The following MGAM variants were observed in gnomAD, a reference collection of about 807,000 sequenced individuals.
MGAM encodes the protein maltase-glucoamylase.
Under a neutral mutation model 358.8 loss-of-function variants are expected in MGAM, and 253 were observed. That is an observed-to-expected ratio of 0.71 (90% CI 0.64 to 0.78). The LOEUF is 0.78. Ranked by LOEUF, MGAM falls within the 30% of genes least tolerant of loss-of-function variation. MGAM has a pLI of 0.00. For missense variants in MGAM, 3,080 were observed against 3,432.6 expected (o/e 0.90, Z 2.57); for synonymous variants, 1,105 against 1,227.1 (o/e 0.90, Z 2.08).
rs138546834 is a variant in MGAM, at chr7:142,082,439, T to C, written c.6172-36T>C. ...AGTTTCTTTCTCAGGCATAATGTCT[T>C]TTAAACTCCTACTGCTTCTCCCCAT... is the stretch of plus-strand genomic sequence containing the variant. On this transcript the variant is annotated intron_variant, in intron 51 of 70. Coordinates refer to ENST00000475668, the MANE Select transcript of MGAM (RefSeq NM_001365693.1). 8.2e-3 allele frequency: 11,695 copies of C among 1,430,546 alleles called. 1,601 individuals carry two copies. In the South Asian group the frequency reaches 0.085, roughly 10 times the overall value. 88.6% of individuals were successfully genotyped at this position (1,430,546 alleles called of 1,614,324 possible). A position where few individuals can be genotyped will look rare whatever the true frequency, so the allele number is the denominator to read the frequency against.
At position 142,075,926 on chromosome 7, in the gene MGAM, A is replaced by T. The variant is rs536620127; in HGVS notation, c.5276-277A>T. ...CTTCCATACAATCCCATGAATTCCC[A>T]CTTCTGGGTGTATATCCAGAGGACA... is the stretch of plus-strand genomic sequence containing the variant. On this transcript the variant is annotated intron_variant, in intron 45 of 70. Transcript: ENST00000475668. Among the ~76,000 whole-genome samples, 2 of 146,132 alleles carry T rather than the reference A, an allele frequency of 1.4e-5. 1 individual carries two copies. The highest frequency in any genetic ancestry group is 4.4e-4 in the South Asian group (2 of 4,560).
chr7:142,086,511 G>A lies in MGAM; in HGVS notation c.6748-144G>A, dbSNP rs148076417. 32 of 575,264 alleles carry A rather than the reference G, an allele frequency of 5.6e-5. 9 individuals are homozygous for A. Among genetic ancestry groups the A allele is most frequent in the Admixed American group, 1.2e-4 (4 of 34,416 alleles). 35.6% of individuals were successfully genotyped at this position (575,264 alleles called of 1,614,324 possible). A position where few individuals can be genotyped will look rare whatever the true frequency, so the allele number is the denominator to read the frequency against. ...ACTTTTAAGTAATATAATGTGTTAC[G>A]GAATTCACTTCTCTTTTACATCAAT... On this transcript the variant is annotated intron_variant, in intron 56 of 70. Transcript: ENST00000475668.
intron 20 of MGAM, 66 bp downstream of exon 20, chr7:142,040,237 T>A: frequency 7.9e-7 from 1 of 1,269,638 alleles, no homozygotes; most frequent in Non-Finnish European, 1.1e-6. Context: ...ACAAGCTACC[T>A]TTCTGGAGAG....
chr7:142,063,650 C>T (rs766619707), intron 36 of MGAM, 64 bp downstream of exon 36: 321 of 1,557,742 alleles, frequency 2.1e-4, no homozygotes, highest in South Asian at 4.2e-4. Flanking sequence ...TGGAGGAGCC[C>T]GAGGCCAGGG....
At chr7:142,046,671 A>G (rs1810444859) in intron 21 of MGAM, among the ~76,000 whole-genome samples, 1 of 152,012 alleles carries the variant, frequency 6.6e-6, no homozygotes, top group Non-Finnish European at 1.5e-5. Flanking sequence ...TCTTGGATAT[A>G]TTTCTTACTT....
chr7:142,092,723 G>C, intron 59 of MGAM, 115 bp downstream of exon 59: 1 of 995,916 alleles, frequency 1.0e-6, no homozygotes, highest in Non-Finnish European at 1.5e-6. Flanking sequence ...CATGGCTGCT[G>C]TGGTTTACTG....
chr7:142,057,436 GGTGGTGGTGGTA>G (rs1164171916), intron 30 of MGAM, among the ~76,000 whole-genome samples: 3 of 145,084 alleles, frequency 2.1e-5, no homozygotes, highest in African/African-American at 8.4e-5. Flanking sequence ...TGTTGGTTAT[GGTGGTGGTGGTA>G]GTGGTGGTGA....
At chr7:142,065,077 CAT>C (rs1812589913) in intron 37 of MGAM, among the ~76,000 whole-genome samples, 1 of 152,160 alleles carries the variant, frequency 6.6e-6, no homozygotes, top group African/African-American at 2.4e-5. Flanking sequence ...ATTAGCAAGA[CAT>C]AGTAATTCCT....
chr7:142,050,743 A>G lies in MGAM; in HGVS notation c.2684A>G (p.Asn895Ser), dbSNP rs200893409. The part of the protein sequence containing the change: ...NISQSTYKDP[N>S]NLAFNEIKIL... ...TCACAATCAACCTACAAGGACCCCA[A>G]TAATTTAGCATTTAATGAGATTAAA... is the stretch of plus-strand genomic sequence containing the variant. The change falls in exon 24 of 71, where the codon AAT (asparagine) becomes AGT (serine). Residue 895 changes from asparagine (N) to serine (S), a missense_variant. By Grantham distance (46) the Asn-to-Ser change is conservative (BLOSUM62 1). Around this residue, in one of 5 missense-constraint regions of MGAM, gnomAD observed 1,816 missense variants for 1,840.5 expected, o/e 0.99. Coordinates refer to ENST00000475668, the MANE Select transcript of MGAM (RefSeq NM_001365693.1). 408 of 1,613,868 alleles carry G rather than the reference A, an allele frequency of 2.5e-4. 3 individuals are homozygous for G. The highest frequency in any genetic ancestry group is 1.8e-3 in the South Asian group (166 of 91,064).
intron 31 of MGAM, among the ~76,000 whole-genome samples, chr7:142,058,600 C>T (rs988023562): frequency 1.3e-5 from 2 of 152,236 alleles, no homozygotes; most frequent in Non-Finnish European, 2.9e-5. Context: ...CCTTCCATTT[C>T]TTTCACTTGG....
At chr7:142,041,795 C>T (rs1808590664) in intron 21 of MGAM, among the ~76,000 whole-genome samples, 1 of 143,222 alleles carries the variant, frequency 7.0e-6, no homozygotes, top group Admixed American at 7.7e-5. Context: ...TACATTTCAG[C>T]AGCAAGAAAT....
At chr7:142,040,454 G>T in intron 20 of MGAM, 2 of 581,854 alleles carry the variant, frequency 3.4e-6, no homozygotes, top group Non-Finnish European at 6.0e-6. Flanking sequence ...ATGTGAGCTT[G>T]GTCAGGAATC....
chr7:142,076,954 G>A lies in MGAM; in HGVS notation c.5493+128G>A, dbSNP rs1813801561. On this transcript the variant is annotated intron_variant, in intron 47 of 70. Coordinates refer to ENST00000475668, the MANE Select transcript of MGAM (RefSeq NM_001365693.1). ...TTTGATGCATGTTTTGGGGAATTGA[G>A]AGGGCACCTTTGATGCCTTTTTTGG... 2.7e-6 allele frequency: 3 copies of A among 1,095,824 alleles called. 1 individual carries two copies. In the African/African-American group the frequency reaches 4.5e-5, roughly 17 times the overall value. 67.9% of individuals were successfully genotyped at this position (1,095,824 alleles called of 1,614,324 possible). A position where few individuals can be genotyped will look rare whatever the true frequency, so the allele number is the denominator to read the frequency against.
upstream of MGAM, among the ~76,000 whole-genome samples, chr7:141,991,153 A>G (rs1336229968): frequency 1.3e-5 from 2 of 152,240 alleles, no homozygotes; most frequent in African/African-American, 4.8e-5. Context: ...TACCGACTGC[A>G]TAGCGTAGTT....
rs1474198375 is a variant in MGAM, at chr7:142,044,362, A to C, written c.2499-3423A>C. Among the ~76,000 whole-genome samples the C allele has an allele frequency of 7.4e-5, 10 of 134,850 alleles. 1 individual carries two copies. Among genetic ancestry groups the C allele is most frequent in the African/African-American group, 2.6e-4 (10 of 38,776 alleles). 88.5% of individuals were successfully genotyped at this position (134,850 alleles called of 152,430 possible). On this transcript the variant is annotated intron_variant, in intron 21 of 70. Transcript: ENST00000475668. ...TATATATATAATATACACATACGAT[A>C]TATGATATATAATGAATATTATATA... is the stretch of plus-strand genomic sequence containing the variant.
chr7:142,071,268 C>A, intron 44 of MGAM, 150 bp downstream of exon 44: 1 of 1,043,396 alleles, frequency 9.6e-7, no homozygotes, highest in East Asian at 2.7e-5. Context: ...GTGTGTTAAT[C>A]TTTTTCAGAC....
At chr7:142,061,880 A>C (rs1362117235) in intron 34 of MGAM, among the ~76,000 whole-genome samples, 1 of 152,218 alleles carries the variant, frequency 6.6e-6, no homozygotes, top group East Asian at 1.9e-4. Flanking sequence ...AGAAGGATAT[A>C]AAACAAACTT....
At chr7:142,066,430 TAAGAATATTC>T (rs1812767296) in intron 40 of MGAM, 133 bp from the exon 41 acceptor site, 2 of 1,016,272 alleles carry the variant, frequency 2.0e-6, no homozygotes, top group Non-Finnish European at 2.9e-6. Flanking sequence ...TCCGGTCTAT[TAAGAATATTC>T]TCTGGGCCTC....
At position 142,093,491 on chromosome 7, in the gene MGAM, G is replaced by C. The variant is rs747252832; in HGVS notation, c.7113G>C (p.Pro2371=). The change falls in exon 60 of 71, where the codon CCG becomes CCC. Residue 2371 remains proline, a synonymous_variant. Coordinates refer to ENST00000475668, the MANE Select transcript of MGAM (RefSeq NM_001365693.1). ...ESQQILPDGS[P]VQHYNVHNLY... ...AGCAGATCCTCCCAGACGGCTCCCC[G>C]GTGCAGCACTACAATGTGCACAACC... 1.1e-5 allele frequency: 16 copies of C among 1,516,820 alleles called. 1 individual carries two copies. The African/African-American group carries it at 1.9e-4, about 18-fold the overall frequency. 94.0% of individuals were successfully genotyped at this position (1,516,820 alleles called of 1,614,324 possible). A position where few individuals can be genotyped will look rare whatever the true frequency, so the allele number is the denominator to read the frequency against.
Sources: allele counts gnomAD v4.1 joint callset (sites outside exome capture counted in the v4.1 genomes callset), GRCh38; gene constraint gnomAD v4.1.1; regional missense constraint gnomAD v4.1.1; transcripts MANE v1.5; gene names NCBI Gene and HGNC (gene_info 2026-07-23, HGNC 2026-07-21).